Variants in PTGES observed in about 807,000 individuals in gnomAD.
The protein encoded by PTGES is MGST1-like 1.
PTGES carries 3 observed loss-of-function variants against 11.8 expected under a neutral mutation model. That is an observed-to-expected ratio of 0.25 (90% confidence interval 0.12 to 0.66). PTGES has a LOEUF of 0.66. Among genes scored for constraint, PTGES ranks in the 30% least tolerant of loss-of-function variants. The pLI, the probability that PTGES is intolerant of heterozygous loss-of-function variation, is 0.82. For missense variants in PTGES, 180 were observed against 213.0 expected, an observed-to-expected ratio of 0.85 and a Z score of 0.96; for synonymous variants, 94 against 90.4, an observed-to-expected ratio of 1.04 and a Z score of -0.22.
In PTGES at chr9:129,738,355, A is replaced by AC. The variant is rs992043866; in HGVS notation, c.*1255dup. 1 of 152,118 alleles carries AC rather than the reference A, an allele frequency of 6.6e-6. No homozygotes were observed. The highest frequency in any genetic ancestry group is 1.5e-5 in the Non-Finnish European group (1 of 68,188). 9.4% of individuals were successfully genotyped at this position (152,118 alleles called of 1,614,324 possible). On this transcript the variant is annotated 3_prime_UTR_variant, in exon 3 of 3. Transcript: ENST00000340607. This position sits in a 1 kb window ranked among gnomAD's most constrained non-coding sequence, Gnocchi z 4.2. ...ACGAGGTGCTGGGCCCAGCTGGCAG[A>AC]CACTTCCATTTAATGACTAAAAATC...
intron 1 of PTGES, 59 bp from the exon 2 acceptor site, chr9:129,748,796 CTA>C: frequency 7.0e-7 from 1 of 1,424,734 alleles, no homozygotes; most frequent in Admixed American, 2.0e-5. Flanking sequence ...TCACCTGGGG[CTA>C]TGTTTTGTCC....
Position 129,739,775 on chromosome 9 carries a change from C to T in PTGES, c.295G>A (p.Ala99Thr), listed in dbSNP as rs368767455. The change falls in exon 3 of 3, where the codon GCC (alanine) becomes ACC (threonine). Residue 99 changes from alanine to threonine, a missense_variant. Transcript: ENST00000340607. This position sits in a 1 kb window ranked among gnomAD's most constrained non-coding sequence, Gnocchi z 5.7. ...YSFLGPNPFV[A>T]WMHFLVFLVG... Reference sequence around the variant, plus strand: ...AGGAAGACCAGGAAGTGCATCCAGGCGACAAAAGGGTTAGGACCCAGAAAG... The same window carrying T: ...AGGAAGACCAGGAAGTGCATCCAGGTGACAAAAGGGTTAGGACCCAGAAAG... 31 of 1,578,882 alleles carry T rather than the reference C, an allele frequency of 2.0e-5. No homozygotes were observed. Among genetic ancestry groups the T allele is most frequent in the Middle Eastern group, 1.7e-4 (1 of 6,026 alleles).
At chr9:129,752,408 C>T (rs546830473) in intron 1 of PTGES, among the ~76,000 whole-genome samples, 1 of 152,296 alleles carries the variant, frequency 6.6e-6, no homozygotes, top group African/African-American at 2.4e-5. Flanking sequence ...CCGACGGTGC[C>T]CGGCTGGGAG....
At position 129,739,350 on chromosome 9, in the gene PTGES, A is replaced by G; in HGVS notation, c.*261T>C. Reference sequence around the variant, plus strand: ...TACTTTAGCTGAAGGATTTTCTATCAATCTTCACAATCTGTCTTGAAATGG... The same window carrying G: ...TACTTTAGCTGAAGGATTTTCTATCGATCTTCACAATCTGTCTTGAAATGG... On this transcript the variant is annotated 3_prime_UTR_variant, in exon 3 of 3. Transcript: ENST00000340607. This position sits in a 1 kb window ranked among gnomAD's most constrained non-coding sequence, Gnocchi z 5.7. The G allele has an allele frequency of 4.3e-6, 2 of 468,444 alleles. No individual in the cohort carries two copies. Among genetic ancestry groups the G allele is most frequent in the South Asian group, 6.7e-5 (2 of 30,016 alleles). The allele number at this position is 468,444 out of a possible 1,614,324, so 29.0% of individuals were successfully genotyped here.
intron 1 of PTGES, among the ~76,000 whole-genome samples, chr9:129,751,724 A>G (rs570398045): frequency 6.6e-6 from 1 of 151,984 alleles, no homozygotes; most frequent in South Asian, 2.1e-4. Flanking sequence ...GAAGCTGGAC[A>G]CTGGAGTTCA....
chr9:129,752,854 A>G, intron 1 of PTGES, 33 bp downstream of exon 1: 2 of 1,613,690 alleles, frequency 1.2e-6, no homozygotes, highest in Non-Finnish European at 1.7e-6. Context: ...AGCAAGTATG[A>G]CCCAGGCCGG....
In PTGES at chr9:129,745,614, C is replaced by T. The variant is rs1278827318; in HGVS notation, c.209+3041G>A. On this transcript the variant is annotated intron_variant, in intron 2 of 2. Transcript: ENST00000340607. This position sits in a 1 kb window ranked among gnomAD's most constrained non-coding sequence, Gnocchi z 4.2. ...AGGCACTCCCCAGGTCTGACTTGGG[C>T]CCAGTATACAGTCGGCTTCCAGTAA... Among the ~76,000 whole-genome samples the T allele has an allele frequency of 1.3e-5, 2 of 152,126 alleles. No individual in the cohort carries two copies. The highest frequency in any genetic ancestry group is 2.9e-5 in the Non-Finnish European group (2 of 68,026).
chr9:129,744,085 G>C (rs1408292304), intron 2 of PTGES, among the ~76,000 whole-genome samples: 10 of 152,144 alleles, frequency 6.6e-5, no homozygotes, highest in Admixed American at 6.6e-4. Flanking sequence ...CTAAGCTCAG[G>C]TGATCTACCC....
At chr9:129,751,898 T>C (rs1202033644) in intron 1 of PTGES, among the ~76,000 whole-genome samples, 1 of 152,034 alleles carries the variant, frequency 6.6e-6, no homozygotes, top group Non-Finnish European at 1.5e-5. Flanking sequence ...ATTCAATGAG[T>C]GAATGCAGCT....
In PTGES at chr9:129,739,133, G is replaced by GA. The variant is rs940208464; in HGVS notation, c.*477dup. 2.3e-3 allele frequency: 358 copies of GA among 155,448 alleles called. No individual in the cohort carries two copies. Among genetic ancestry groups the GA allele is most frequent in the South Asian group, 6.3e-3 (36 of 5,678 alleles). 9.6% of individuals were successfully genotyped at this position (155,448 alleles called of 1,614,324 possible). A position where few individuals can be genotyped will look rare whatever the true frequency, so the allele number is the denominator to read the frequency against. ...GGCAACAGAGCAAGACTCTGTCTTG[G>GA]AAAAAAAAAAATACAGATGGCCAGG... On this transcript the variant is annotated 3_prime_UTR_variant, in exon 3 of 3. Coordinates refer to ENST00000340607, the MANE Select transcript of PTGES (RefSeq NM_004878.5). The surrounding 1 kb of genome is among the most constrained non-coding windows in gnomAD (Gnocchi z 5.7).
intron 2 of PTGES, among the ~76,000 whole-genome samples, chr9:129,741,983 C>T (rs999788660): frequency 2.0e-5 from 3 of 151,876 alleles, no homozygotes; most frequent in Non-Finnish European, 4.4e-5. Context: ...AAGTCCCTTA[C>T]CAGGACTGAT....
At chr9:129,743,164 G>T (rs894447090) in intron 2 of PTGES, among the ~76,000 whole-genome samples, 1 of 152,182 alleles carries the variant, frequency 6.6e-6, no homozygotes, top group Non-Finnish European at 1.5e-5. Context: ...GGGAGGAGAG[G>T]TGGTCAGGAG....
chr9:129,741,676 C>T (rs45608839), intron 2 of PTGES, among the ~76,000 whole-genome samples: 10,934 of 152,124 alleles, frequency 0.072, 468 homozygotes, highest in East Asian at 0.19. Flanking sequence ...GAGGCCAAGG[C>T]GGGCGGATTA....
chr9:129,748,528 C>T, intron 2 of PTGES, 127 bp downstream of exon 2: 1 of 661,578 alleles, frequency 1.5e-6, no homozygotes, highest in Non-Finnish European at 2.4e-6. Flanking sequence ...GTAAAACAGT[C>T]AGAGAAGATC....
At chr9:129,752,585 C>T (rs537970014) in intron 1 of PTGES, among the ~76,000 whole-genome samples, 7 of 152,376 alleles carry the variant, frequency 4.6e-5, no homozygotes, top group East Asian at 3.9e-4. Flanking sequence ...TGTGCTGTCA[C>T]GCTCCCACAC....
At position 129,752,969 on chromosome 9, in the gene PTGES, G is replaced by C. The variant is rs1361915999; in HGVS notation, c.44C>G (p.Ala15Gly). The C allele has an allele frequency of 6.2e-7, 1 of 1,610,604 alleles. No homozygotes were observed. Among genetic ancestry groups the C allele is most frequent in the African/African-American group, 1.3e-5 (1 of 74,950 alleles). The change falls in exon 1 of 3, where the codon GCC becomes GGC. Residue 15 changes from alanine (A) to glycine (G), a missense_variant. Coordinates refer to ENST00000340607, the MANE Select transcript of PTGES (RefSeq NM_004878.5). ...CAGCAGCGTGCTGCAGAGCAGGAAG[G>C]CCGGGAGGGCCGGGCTGCTCATCAC... ...SLVMSSPALP[A>G]FLLCSTLLVI... is the part of the protein sequence containing the mutation.
At chr9:129,749,334 T>G (rs1423694314) in intron 1 of PTGES, among the ~76,000 whole-genome samples, 1 of 151,770 alleles carries the variant, frequency 6.6e-6, no homozygotes, top group South Asian at 2.1e-4. Context: ...CCGGGCAACA[T>G]AGCAAGACCC....
rs1832972830 is a variant in PTGES, at chr9:129,739,571, T to C, written c.*40A>G. On this transcript the variant is annotated 3_prime_UTR_variant, in exon 3 of 3. Coordinates refer to ENST00000340607, the MANE Select transcript of PTGES (RefSeq NM_004878.5). This position sits in a 1 kb window ranked among gnomAD's most constrained non-coding sequence, Gnocchi z 5.7. ...CCCCAGGTATAGCCACGGCGGCTCT[T>C]GGCCCATGGTCTGGTGGCCAAGGAG... The C allele has an allele frequency of 6.5e-7, 1 of 1,537,976 alleles. No individual in the cohort carries two copies. Among genetic ancestry groups the C allele is most frequent in the Admixed American group, 2.0e-5 (1 of 50,414 alleles).
chr9:129,742,876 A>G (rs2130950817), intron 2 of PTGES, among the ~76,000 whole-genome samples: 1 of 152,312 alleles, frequency 6.6e-6, no homozygotes, highest in South Asian at 2.1e-4. Flanking sequence ...CGTCTCAAAA[A>G]AAAAAAAAGA....
Sources: allele counts gnomAD v4.1 joint callset (sites outside exome capture counted in the v4.1 genomes callset), GRCh38; gene constraint gnomAD v4.1.1; non-coding constraint Gnocchi (gnomAD v3.1); transcripts MANE v1.5; gene names NCBI Gene and HGNC (gene_info 2026-07-23, HGNC 2026-07-21).